The following PCNX3 variants were observed in gnomAD, a reference collection of about 807,000 sequenced individuals.
The protein encoded by PCNX3 is pecanex 3.
PCNX3 carries 58 observed loss-of-function variants against 207.2 expected under a neutral mutation model. That is an observed-to-expected ratio of 0.28 (90% CI 0.23 to 0.35). The LOEUF is 0.35. Among genes scored for constraint, PCNX3 ranks in the 10% least tolerant of loss-of-function variants. The probability of loss-of-function intolerance (pLI) is 1.00; values close to 1 mark genes in which losing one functional copy is unlikely to be tolerated. For missense variants in PCNX3, 2,410 were observed against 2,774.4 expected (o/e 0.87, Z 2.95); for synonymous variants, 1,337 against 1,183.5 (o/e 1.13, Z -2.66).
At chr11:65,634,854 G>C in intron 29 of PCNX3, 119 bp from the exon 30 acceptor site, 1 of 1,389,680 alleles carries the variant, frequency 7.2e-7, no homozygotes, top group Non-Finnish European at 9.7e-7. Context: ...TGGCCTCTTT[G>C]TCAAGATGGG....
In PCNX3 at chr11:65,634,138, T is replaced by C. The variant is rs1327444316; in HGVS notation, c.4483T>C (p.Tyr1495His). ...CCTCCTCTCCCAGAGCATCATCTAC[T>C]ACGTGAGCCGCTCACCAAAGCTGGA... The part of the protein sequence containing the change: ...ITYYVKSIIY[Y>H]VSRSPKLEVW... The change falls in exon 28 of 35, where the codon TAC becomes CAC. Residue 1495 changes from tyrosine (Y) to histidine (H), a missense_variant. Physicochemically the swap from Tyr to His is moderately conservative, Grantham distance 83. Coordinates refer to ENST00000355703, the MANE Select transcript of PCNX3 (RefSeq NM_032223.4). 1 of 1,612,054 alleles carries C rather than the reference T, an allele frequency of 6.2e-7. No individual in the cohort carries two copies. The highest frequency in any genetic ancestry group is 8.5e-7 in the Non-Finnish European group (1 of 1,179,708).
rs1335464946 is a variant in PCNX3, at chr11:65,618,515, G to A, written c.1153G>A (p.Asp385Asn). 4 of 1,611,398 alleles carry A rather than the reference G, an allele frequency of 2.5e-6. No individual in the cohort carries two copies. The highest frequency in any genetic ancestry group is 3.4e-6 in the Non-Finnish European group (4 of 1,179,208). Residue 385 changes from aspartate (D) to asparagine (N), a missense_variant, in exon 6 of 35, where the codon GAC becomes AAC. By Grantham distance (23) the Asp-to-Asn change is conservative. Around this residue, in one of 8 missense-constraint regions of PCNX3, gnomAD observed 1,104 missense variants for 970.3 expected, o/e 1.14. Transcript: ENST00000355703. ...GCCGCTCCTGGTCGTGCGGCCCAAGGACTTGGCCCTGCTACGGCCTAGCAA... is the reference window on the plus strand; with the variant it reads ...GCCGCTCCTGGTCGTGCGGCCCAAGAACTTGGCCCTGCTACGGCCTAGCAA... Reference protein sequence around the residue: ...AEPLLVVRPKDLALLRPSKRQ... With the variant: ...AEPLLVVRPKNLALLRPSKRQ...
Position 65,635,489 on chromosome 11 carries a change from C to T in PCNX3, c.5185-40C>T, listed in dbSNP as rs1236674524. On this transcript the variant is annotated intron_variant, in intron 31 of 34. Coordinates refer to ENST00000355703, the MANE Select transcript of PCNX3 (RefSeq NM_032223.4). The surrounding 1 kb of genome is among the most constrained non-coding windows in gnomAD (Gnocchi z 9.9). ...CCTGCCCTAAGCCCTGCCCCAAACC[C>T]CCTTGGGCCGGCCCCCTGACCCTGG... 1.9e-6 allele frequency: 3 copies of T among 1,607,214 alleles called. No homozygotes were observed. The highest frequency in any genetic ancestry group is 2.2e-5 in the South Asian group (2 of 90,842).
intron 5 of PCNX3, 83 bp from the exon 6 acceptor site, chr11:65,617,857 A>G (rs1854830260): frequency 1.4e-6 from 2 of 1,473,500 alleles, no homozygotes; most frequent in Non-Finnish European, 1.8e-6. Context: ...CAGGGAAAGT[A>G]CAGGGCATAA....
rs1423431080 is a variant in PCNX3, at chr11:65,618,377, C to T, written c.1015C>T (p.Pro339Ser). 7.4e-6 allele frequency: 12 copies of T among 1,612,640 alleles called. No homozygotes were observed. The highest frequency in any genetic ancestry group is 1.0e-5 in the Non-Finnish European group (12 of 1,179,852). The change falls in exon 6 of 35, where the codon CCA becomes TCA. Residue 339 changes from proline (P) to serine (S), a missense_variant. Physicochemically the swap from Pro to Ser is moderately conservative, Grantham distance 74. Around this residue, in one of 8 missense-constraint regions of PCNX3, gnomAD observed 1,104 missense variants for 970.3 expected, o/e 1.14. Transcript: ENST00000355703. ...GPAPEGSDTDPPSEAELPASP... is the reference protein window; with the variant it reads ...GPAPEGSDTDSPSEAELPASP... ...AGCCCCTGAGGGCAGCGACACAGAC[C>T]CACCCTCTGAGGCTGAGCTGCCTGC...
In PCNX3 at chr11:65,636,604, G is replaced by A; in HGVS notation, c.5807G>A (p.Trp1936Ter). 6.3e-7 allele frequency: 1 copy of A among 1,587,762 alleles called. No homozygotes were observed. The highest frequency in any genetic ancestry group is 2.3e-5 in the East Asian group (1 of 43,774). ...LLSSEGPSGKWSLGGRKGLGG... is the reference protein window; with the variant it reads ...LLSSEGPSGK Reference sequence around the variant, plus strand: ...AGTTCTGAGGGCCCCAGTGGAAAGTGGAGCCTGGGGGGCCGGAAGGGGCTG... The same window carrying A: ...AGTTCTGAGGGCCCCAGTGGAAAGTAGAGCCTGGGGGGCCGGAAGGGGCTG... Residue 1936 changes from tryptophan (W) to a stop codon, truncating the protein, a stop_gained, in exon 34 of 35, where the codon TGG becomes TAG. Coordinates refer to ENST00000355703, the MANE Select transcript of PCNX3 (RefSeq NM_032223.4). LOFTEE classifies it high-confidence loss of function.
intron 10 of PCNX3, among the ~76,000 whole-genome samples, chr11:65,621,391 G>T (rs1230781427): frequency 1.3e-5 from 2 of 152,168 alleles, no homozygotes; most frequent in Admixed American, 6.5e-5. Flanking sequence ...CATTACCAGC[G>T]CTCTGTCACT....
intron 11 of PCNX3, among the ~76,000 whole-genome samples, chr11:65,622,727 C>G (rs1372055862): frequency 6.6e-6 from 1 of 151,986 alleles, no homozygotes; most frequent in Non-Finnish European, 1.5e-5. Context: ...TCCTGAGTAG[C>G]TGGGACTACA....
Position 65,626,980 on chromosome 11 carries a change from C to T in PCNX3, c.3456C>T (p.Ala1152=), listed in dbSNP as rs764500917. Residue 1152 remains alanine (A), a synonymous_variant, in exon 21 of 35, where the codon GCC becomes GCT. Coordinates refer to ENST00000355703, the MANE Select transcript of PCNX3 (RefSeq NM_032223.4). ...QCVEKYLIYP[A]VVLNALTVDA... is the part of the protein sequence containing the mutation. ...TAGAGAAGTACCTCATCTACCCCGC[C>T]GTGGTGCTCAACGCCCTCACGGTGG... 1.6e-5 allele frequency: 25 copies of T among 1,559,928 alleles called. 1 individual carries two copies. Among genetic ancestry groups the T allele is most frequent in the Admixed American group, 7.7e-5 (4 of 51,790 alleles).
At chr11:65,633,293 G>A (rs994653982) in intron 27 of PCNX3, among the ~76,000 whole-genome samples, 19 of 152,190 alleles carry the variant, frequency 1.2e-4, no homozygotes, top group Admixed American at 6.5e-5. Flanking sequence ...TGCCCAACAG[G>A]GCCTTTTAAC....
At chr11:65,636,123 C>G in intron 32 of PCNX3, 51 bp from the exon 33 acceptor site, 1 of 1,563,708 alleles carries the variant, frequency 6.4e-7, no homozygotes, top group African/African-American at 1.4e-5. Context: ...TGTGAGGCCT[C>G]TGGCCTCAGC....
Position 65,636,555 on chromosome 11 carries a change from C to A in PCNX3, c.5758C>A (p.Arg1920=). Residue 1920 remains arginine, a synonymous_variant, in exon 34 of 35, where the codon CGG becomes AGG. Coordinates refer to ENST00000355703, the MANE Select transcript of PCNX3 (RefSeq NM_032223.4). ...PIPTEGPRTS[R]PPGPGLLSSE... ...CCCCACAGAGGGTCCCCGGACCTCACGGCCCCCTGGCCCGGGTCTCCTCAG... is the reference window on the plus strand; with the variant it reads ...CCCCACAGAGGGTCCCCGGACCTCAAGGCCCCCTGGCCCGGGTCTCCTCAG... 1 of 1,594,186 alleles carries A rather than the reference C, an allele frequency of 6.3e-7. No individual in the cohort carries two copies. Among genetic ancestry groups the A allele is most frequent in the South Asian group, 1.1e-5 (1 of 89,384 alleles).
In PCNX3 at chr11:65,616,208, G is replaced by C. The variant is rs2135388497; in HGVS notation, c.-104G>C. ...CGCTGGGGGAGGCCATGGCGTGAGC[G>C]TGAGGCCGGGCCCCGGGGCCCTCAG... On this transcript the variant is annotated 5_prime_UTR_variant, in exon 1 of 35. Transcript: ENST00000355703. The C allele has an allele frequency of 1.0e-6, 1 of 953,744 alleles. No individual in the cohort carries two copies. Among genetic ancestry groups the C allele is most frequent in the East Asian group, 3.3e-5 (1 of 30,578 alleles). The allele number at this position is 953,744 out of a possible 1,614,324, so 59.1% of individuals were successfully genotyped here. A position where few individuals can be genotyped will look rare whatever the true frequency, so the allele number is the denominator to read the frequency against.
intron 11 of PCNX3, among the ~76,000 whole-genome samples, chr11:65,622,695 A>G (rs1590880565): frequency 6.6e-6 from 1 of 151,800 alleles, no homozygotes; most frequent in South Asian, 2.1e-4. Flanking sequence ...TCCCAGGTTC[A>G]CGCCATTCTC....
Position 65,627,000 on chromosome 11 carries a change from C to T in PCNX3, c.3476C>T (p.Thr1159Met), listed in dbSNP as rs185911788. ...IYPAVVLNAL[T>M]VDAHTVVSHP... ...CCCGCCGTGGTGCTCAACGCCCTCA[C>T]GGTGGACGCCCACACAGTCGTCAGC... The change falls in exon 21 of 35, where the codon ACG (threonine) becomes ATG (methionine). Residue 1159 changes from threonine (T) to methionine (M), a missense_variant. This residue lies in a region of PCNX3 where 333 missense variants were observed against 386.8 expected (regional missense o/e 0.86). Transcript: ENST00000355703. 99 of 1,548,332 alleles carry T rather than the reference C, an allele frequency of 6.4e-5. No homozygotes were observed. The highest frequency in any genetic ancestry group is 7.8e-5 in the Non-Finnish European group (89 of 1,145,604).
Position 65,617,721 on chromosome 11 carries a change from T to A in PCNX3, c.577+15T>A, listed in dbSNP as rs752840728. The A allele has an allele frequency of 7.7e-6, 12 of 1,553,666 alleles. No individual in the cohort carries two copies. In the Admixed American group the frequency reaches 2.3e-4, roughly 30 times the overall value. On this transcript the variant is annotated intron_variant, in intron 5 of 34. Coordinates refer to ENST00000355703, the MANE Select transcript of PCNX3 (RefSeq NM_032223.4). ...GGAGAAACTGAGTGCGTGGGCCTTA[T>A]GGGGCCGAGGCTTGTGGGCTAGACC... is the stretch of plus-strand genomic sequence containing the variant.
Position 65,637,206 on chromosome 11 carries a change from C to T in PCNX3, c.*228C>T. 1 of 575,818 alleles carries T rather than the reference C, an allele frequency of 1.7e-6. No individual in the cohort carries two copies. Among genetic ancestry groups the T allele is most frequent in the Non-Finnish European group, 3.1e-6 (1 of 325,950 alleles). The allele number at this position is 575,818 out of a possible 1,614,324, so 35.7% of individuals were successfully genotyped here. On this transcript the variant is annotated 3_prime_UTR_variant, in exon 35 of 35. Transcript: ENST00000355703. ...GGGCTCCCCAGATGGAGGCAGTCAG[C>T]CTCCCAGCCAGGCCCTAAGAGCCAA... is the stretch of plus-strand genomic sequence containing the variant.
rs745906102 is a variant in PCNX3, at chr11:65,636,555, C to T, written c.5758C>T (p.Arg1920Trp). 1.8e-5 allele frequency: 28 copies of T among 1,594,186 alleles called. No individual in the cohort carries two copies. Among genetic ancestry groups the T allele is most frequent in the Middle Eastern group, 1.7e-4 (1 of 5,956 alleles). ...CCCCACAGAGGGTCCCCGGACCTCA[C>T]GGCCCCCTGGCCCGGGTCTCCTCAG... ...PIPTEGPRTS[R>W]PPGPGLLSSE... Residue 1920 changes from arginine (R) to tryptophan (W), a missense_variant, in exon 34 of 35, where the codon CGG becomes TGG. By Grantham distance (101) the Arg-to-Trp change is moderately radical. Around this residue, in one of 8 missense-constraint regions of PCNX3, gnomAD observed 278 missense variants for 245.1 expected, o/e 1.13. Coordinates refer to ENST00000355703, the MANE Select transcript of PCNX3 (RefSeq NM_032223.4).
At chr11:65,630,075 T>A (rs1244872095) in intron 26 of PCNX3, among the ~76,000 whole-genome samples, 1 of 152,182 alleles carries the variant, frequency 6.6e-6, no homozygotes, top group Admixed American at 6.5e-5. Flanking sequence ...GTGAGCCAGC[T>A]CCTTCCTCTC....
Sources: gnomAD v4.1 joint callset for allele counts (sites outside exome capture counted in the v4.1 genomes callset) on GRCh38, gnomAD v4.1.1 for gene constraint, gnomAD v4.1.1 regional missense constraint, Gnocchi (gnomAD v3.1) non-coding constraint, MANE v1.5 for transcripts, NCBI Gene and HGNC (gene_info 2026-07-23, HGNC 2026-07-21) for gene names.